Variants in SPATA6 observed in about 807,000 individuals in gnomAD.
SPATA6 encodes the protein spermatogenesis-associated protein 6.
Under a neutral mutation model 65.3 loss-of-function variants are expected in SPATA6, and 56 were observed. The observed-to-expected ratio is 0.86, with a 90% CI of 0.69 to 1.07. The LOEUF is 1.07. Among genes scored for constraint, SPATA6 ranks in the 50% least tolerant of loss-of-function variants. The pLI is 0.00. For synonymous variants in SPATA6, 199 were observed against 213.2 expected (o/e 0.93, Z 0.58); for missense variants, 590 against 594.8 (o/e 0.99, Z 0.08).
At position 48,346,917 on chromosome 1, in the gene SPATA6, C is replaced by T. The variant is rs553074998; in HGVS notation, c.1194+8753G>A. Among the ~76,000 whole-genome samples, 11 of 152,078 alleles carry T rather than the reference C, an allele frequency of 7.2e-5. No individual in the cohort carries two copies. In the East Asian group the frequency reaches 1.9e-3, roughly 27 times the overall value. On this transcript the variant is annotated intron_variant, in intron 11 of 12. Coordinates refer to ENST00000371847, the MANE Select transcript of SPATA6 (RefSeq NM_019073.4). ...TCCAAAGCAATTTATATATTCAATG[C>T]TATTCCTATTAAACTACTATTGAGA...
intron 9 of SPATA6, among the ~76,000 whole-genome samples, chr1:48,363,824 A>C (rs1367983355): frequency 6.6e-6 from 1 of 150,756 alleles, no homozygotes; most frequent in African/African-American, 2.4e-5. Flanking sequence ...ATTATACTTT[A>C]AGTTTTAGGG....
chr1:48,373,527 G>A (rs1363218112), intron 9 of SPATA6, among the ~76,000 whole-genome samples: 3 of 152,126 alleles, frequency 2.0e-5, no homozygotes, highest in Non-Finnish European at 4.4e-5. Flanking sequence ...ACCTCTGCCT[G>A]TTACCCAGTT....
At chr1:48,384,791 A>C (rs967725070) in intron 9 of SPATA6, among the ~76,000 whole-genome samples, 11 of 152,192 alleles carry the variant, frequency 7.2e-5, no homozygotes, top group Admixed American at 3.9e-4. Flanking sequence ...AAAATTTAGA[A>C]ACATTGCTTT....
chr1:48,345,377 A>G (rs1354910172), intron 11 of SPATA6, among the ~76,000 whole-genome samples: 2 of 152,168 alleles, frequency 1.3e-5, no homozygotes, highest in East Asian at 3.9e-4. Flanking sequence ...CTAGATGCCC[A>G]CATCAAAAAG....
At chr1:48,428,098 T>C (rs2148045125) in intron 3 of SPATA6, among the ~76,000 whole-genome samples, 1 of 152,308 alleles carries the variant, frequency 6.6e-6, no homozygotes, top group Middle Eastern at 3.4e-3. Context: ...TGGAACCATA[T>C]GCATCTGGCT....
At chr1:48,462,696 A>G (rs1657535870) in intron 1 of SPATA6, among the ~76,000 whole-genome samples, 1 of 152,188 alleles carries the variant, frequency 6.6e-6, no homozygotes, top group African/African-American at 2.4e-5. Context: ...CATTTACAAC[A>G]ATTGGATAAG....
At chr1:48,311,932 G>C (rs539409201) in intron 11 of SPATA6, among the ~76,000 whole-genome samples, 201 of 152,344 alleles carry the variant, frequency 1.3e-3, no homozygotes, top group Middle Eastern at 3.4e-3. Flanking sequence ...TCCCGCGATT[G>C]GCTTGGAGGG....
At chr1:48,459,173 C>A (rs1657231339) in intron 1 of SPATA6, among the ~76,000 whole-genome samples, 1 of 144,718 alleles carries the variant, frequency 6.9e-6, no homozygotes, top group South Asian at 2.2e-4. Context: ...CCACTGCACA[C>A]CAGCCTAGGC....
At chr1:48,269,888 TAA>T in the SPATA6 span, among the ~76,000 whole-genome samples, 1 of 150,548 alleles carries the variant, frequency 6.6e-6, no homozygotes, top group South Asian at 2.1e-4. Context: ...ATTTTACCTT[TAA>T]AAAAAAAGAA....
intron 7 of SPATA6, among the ~76,000 whole-genome samples, chr1:48,397,327 T>C (rs1650693286): frequency 2.0e-5 from 3 of 151,736 alleles, no homozygotes; most frequent in South Asian, 2.1e-4. Context: ...TTGTACACTT[T>C]AAATTCGAAA....
At chr1:48,432,253 A>G (rs1033078592) in intron 3 of SPATA6, among the ~76,000 whole-genome samples, 4 of 152,224 alleles carry the variant, frequency 2.6e-5, no homozygotes, top group African/African-American at 9.6e-5. Flanking sequence ...TTCTTGGATA[A>G]CACAACCAAG....
At chr1:48,284,414 C>A in the SPATA6 span, among the ~76,000 whole-genome samples, 1 of 152,200 alleles carries the variant, frequency 6.6e-6, no homozygotes, top group African/African-American at 2.4e-5. Flanking sequence ...TATGCACCTT[C>A]TGAAGCCTAC....
At chr1:48,323,667 G>A (rs901851436) in intron 11 of SPATA6, among the ~76,000 whole-genome samples, 2 of 145,270 alleles carry the variant, frequency 1.4e-5, no homozygotes, top group Non-Finnish European at 3.0e-5. Context: ...AGATGAAACA[G>A]AAGGTATTAC....
intron 11 of SPATA6, among the ~76,000 whole-genome samples, chr1:48,330,178 G>A (rs982670627): frequency 3.3e-5 from 5 of 152,104 alleles, no homozygotes; most frequent in African/African-American, 1.2e-4. Context: ...ACCACTGGTA[G>A]CCAGCTGGAC....
intron 3 of SPATA6, among the ~76,000 whole-genome samples, chr1:48,434,884 C>A (rs973609441): frequency 2.0e-5 from 3 of 151,994 alleles, no homozygotes; most frequent in African/African-American, 7.2e-5. Flanking sequence ...GAATTAAAAC[C>A]ATTTCCTTGA....
intron 6 of SPATA6, among the ~76,000 whole-genome samples, chr1:48,402,022 G>A (rs1651211639): frequency 6.6e-6 from 1 of 152,088 alleles, no homozygotes; most frequent in African/African-American, 2.4e-5. Flanking sequence ...GCAGCCTTAT[G>A]AGGAACTCGA....
chr1:48,421,150 T>A (rs904142057), intron 3 of SPATA6, among the ~76,000 whole-genome samples: 1 of 152,104 alleles, frequency 6.6e-6, no homozygotes, highest in Admixed American at 6.5e-5. Flanking sequence ...ACCATAGTTA[T>A]CAACAATGTA....
chr1:48,332,319 G>A (rs1336598630), intron 11 of SPATA6, among the ~76,000 whole-genome samples: 1 of 152,108 alleles, frequency 6.6e-6, no homozygotes, highest in East Asian at 1.9e-4. Context: ...GGACCCAATA[G>A]TATGCTGTCT....
At chr1:48,471,904 C>T (rs953800170) in intron 1 of SPATA6, 54 bp downstream of exon 1, 5 of 1,599,156 alleles carry the variant, frequency 3.1e-6, no homozygotes, top group Admixed American at 3.3e-5. Context: ...TCGGAGGTGA[C>T]TGAGGGAGTC....
Sources: allele counts gnomAD v4.1 joint callset (sites outside exome capture counted in the v4.1 genomes callset), GRCh38; gene constraint gnomAD v4.1.1; transcripts MANE v1.5; gene names NCBI Gene and HGNC (gene_info 2026-07-23, HGNC 2026-07-21).